RBM48: variants seen among roughly 807,000 people sequenced by gnomAD.
RBM48 encodes RNA binding motif protein 48.
RBM48 carries 32 observed loss-of-function variants against 34.8 expected under a neutral mutation model. The observed-to-expected ratio is 0.92, with a 90% CI of 0.69 to 1.23. RBM48 has a LOEUF of 1.23. Ranked by LOEUF, RBM48 falls within the 50% of genes most tolerant of loss-of-function variation. RBM48 has a pLI of 0.00. For missense variants in RBM48, 441 were observed against 447.2 expected (o/e 0.99, Z 0.12); for synonymous variants, 151 against 156.2 (o/e 0.97, Z 0.25).
Position 92,534,699 on chromosome 7 carries a change from TAA to T in RBM48, c.748_749del (p.Asn250LeufsTer22). 6.2e-7 allele frequency: 1 copy of T among 1,614,146 alleles called. No individual in the cohort carries two copies. The highest frequency in any genetic ancestry group is 8.5e-7 in the Non-Finnish European group (1 of 1,180,004). On this transcript the variant is annotated frameshift_variant, in exon 4 of 5. Coordinates refer to ENST00000265732, the MANE Select transcript of RBM48 (RefSeq NM_032120.4). LOFTEE classifies it high-confidence loss of function. ...AATGACTCTTTGCGGAAAACACAGATAAACTCTTTGAAAAACTCAGTGGCCTG... is the reference window on the plus strand; with the variant it reads ...AATGACTCTTTGCGGAAAACACAGATACTCTTTGAAAAACTCAGTGGCCTG...
intron 2 of RBM48, 31 bp downstream of exon 2, chr7:92,529,697 C>A: frequency 1.5e-6 from 2 of 1,353,750 alleles, no homozygotes; most frequent in Non-Finnish European, 2.0e-6. Flanking sequence ...TGACTCATTT[C>A]CTCATTTCTT....
rs372607453 is a variant in RBM48, at chr7:92,534,788, A to G, written c.835A>G (p.Thr279Ala). The change falls in exon 4 of 5, where the codon ACA (threonine) becomes GCA (alanine). Residue 279 changes from threonine (T) to alanine (A), a missense_variant. Transcript: ENST00000265732. ...EAVDRFMPRT[T>A]QLQERKRRRE... The stretch of plus-strand genomic sequence containing the variant: ...AGTTGACAGATTTATGCCTAGGACA[A>G]CACAACTGCAGGAGCGCAAAAGAAG... 1.7e-5 allele frequency: 28 copies of G among 1,614,052 alleles called. No individual in the cohort carries two copies. Among genetic ancestry groups the G allele is most frequent in the South Asian group, 1.1e-4 (10 of 91,084 alleles).
rs905477166 is a variant in RBM48, at chr7:92,534,796, G to A, written c.843G>A (p.Leu281=). ...VDRFMPRTTQ[L]QERKRRREDD... ...GATTTATGCCTAGGACAACACAACT[G>A]CAGGAGCGCAAAAGAAGAAGAGAAG... The change falls in exon 4 of 5, where the codon CTG becomes CTA. Residue 281 remains leucine (L), a synonymous_variant. Transcript: ENST00000265732. 3.1e-6 allele frequency: 5 copies of A among 1,614,026 alleles called. No individual in the cohort carries two copies. Among genetic ancestry groups the A allele is most frequent in the Non-Finnish European group, 4.2e-6 (5 of 1,180,024 alleles).
Position 92,534,518 on chromosome 7 carries a change from G to A in RBM48, c.565G>A (p.Gly189Arg). 6.2e-7 allele frequency: 1 copy of A among 1,614,080 alleles called. No homozygotes were observed. Among genetic ancestry groups the A allele is most frequent in the Non-Finnish European group, 8.5e-7 (1 of 1,180,020 alleles). ...TAAAGCTGCTTTGAACACTTCTGCA[G>A]GGAACTCAAATCCTTATCTTCCGTA... is the stretch of plus-strand genomic sequence containing the variant. ...FCKAALNTSAGNSNPYLPYSC... is the reference protein window; with the variant it reads ...FCKAALNTSARNSNPYLPYSC... Residue 189 changes from glycine to arginine, a missense_variant, in exon 4 of 5, where the codon GGG (glycine) becomes AGG (arginine). Gly to Arg is a moderately radical substitution (Grantham distance 125, BLOSUM62 -2). Transcript: ENST00000265732.
intron 4 of RBM48, chr7:92,535,705 T>C: frequency 1.0e-6 from 1 of 984,640 alleles, no homozygotes; most frequent in Non-Finnish European, 1.2e-6. Context: ...GTTTTACTCA[T>C]ATTTTACAAT....
At position 92,535,104 on chromosome 7, in the gene RBM48, C is replaced by T. The variant is rs758080865; in HGVS notation, c.1017+134C>T. Reference sequence around the variant, plus strand: ...TTTTGATGTGTTTTTCTACAGTTCTCTGTTGAAATAACTGAATTTGGCTAA... The same window carrying T: ...TTTTGATGTGTTTTTCTACAGTTCTTTGTTGAAATAACTGAATTTGGCTAA... On this transcript the variant is annotated intron_variant, in intron 4 of 4. Transcript: ENST00000265732. The T allele has an allele frequency of 8.4e-5, 124 of 1,468,272 alleles. No individual in the cohort carries two copies. In the African/African-American group the frequency reaches 1.7e-3, roughly 20 times the overall value. 91.0% of individuals were successfully genotyped at this position (1,468,272 alleles called of 1,614,324 possible).
rs563926055 is a variant in RBM48 at position 92,538,673 on chromosome 7, A to G, written c.*1736A>G. On this transcript the variant is annotated 3_prime_UTR_variant, in exon 5 of 5. Coordinates refer to ENST00000265732, the MANE Select transcript of RBM48 (RefSeq NM_032120.4). ...CTGTCTGGTTCAGGCTTCTCAGACT[A>G]TAAGTTGCTATGATCTCCACCTCAG... Among the ~76,000 whole-genome samples, 38 of 152,338 alleles carry G rather than the reference A, an allele frequency of 2.5e-4. No homozygotes were observed. The highest frequency in any genetic ancestry group is 4.0e-4 in the Non-Finnish European group (27 of 68,030).
intron 2 of RBM48, among the ~76,000 whole-genome samples, chr7:92,532,095 A>T (rs1793589480): frequency 6.6e-6 from 1 of 152,238 alleles, no homozygotes; most frequent in Non-Finnish European, 1.5e-5. Context: ...TCAGGGCCAC[A>T]GAGAAAAGCT....
At position 92,539,365 on chromosome 7, in the gene RBM48, A is replaced by G. The variant is rs1360715172; in HGVS notation, c.*2428A>G. On this transcript the variant is annotated 3_prime_UTR_variant, in exon 5 of 5. Coordinates refer to ENST00000265732, the MANE Select transcript of RBM48 (RefSeq NM_032120.4). The stretch of plus-strand genomic sequence containing the variant: ...ATTAAAGAGATGAGTTGAGGTGGAT[A>G]AGGATAGCTTAATAACATGCAAGCT... 1.3e-5 allele frequency among the ~76,000 whole-genome samples: 2 copies of G among 152,234 alleles called. No individual in the cohort carries two copies. Among genetic ancestry groups the G allele is most frequent in the Admixed American group, 6.5e-5 (1 of 15,284 alleles).
Position 92,534,430 on chromosome 7 carries a change from T to C in RBM48, c.477T>C (p.Val159=), listed in dbSNP as rs1331727659. The part of the protein sequence containing the change: ...KDHYVTKKKL[V]TEHKDTEDFR... ...ATTACGTGACAAAGAAGAAATTGGTTACAGAGCATAAAGACACAGAGGATT... is the reference window on the plus strand; with the variant it reads ...ATTACGTGACAAAGAAGAAATTGGTCACAGAGCATAAAGACACAGAGGATT... The change falls in exon 4 of 5, where the codon GTT becomes GTC. Residue 159 remains valine (V), a synonymous_variant. Coordinates refer to ENST00000265732, the MANE Select transcript of RBM48 (RefSeq NM_032120.4). 6.2e-7 allele frequency: 1 copy of C among 1,612,612 alleles called. No homozygotes were observed. The highest frequency in any genetic ancestry group is 8.5e-7 in the Non-Finnish European group (1 of 1,179,444).
intron 4 of RBM48, chr7:92,536,176 T>C: frequency 1.0e-6 from 1 of 985,474 alleles, no homozygotes; most frequent in Non-Finnish European, 1.2e-6. Flanking sequence ...CTTCCTTCCT[T>C]CAGTTACAGC....
chr7:92,531,252 C>T (rs762389490), intron 2 of RBM48, among the ~76,000 whole-genome samples: 6 of 152,092 alleles, frequency 3.9e-5, no homozygotes, highest in Non-Finnish European at 7.4e-5. Flanking sequence ...TGAGATAATC[C>T]ATATAAAGGT....
Position 92,529,595 on chromosome 7 carries a change from T to C in RBM48, c.231T>C (p.Ala77=). ...ALYGAIEQYN[A]LDEYPAEDFT... Reference sequence around the variant, plus strand: ...ATGGTGCAATTGAACAGTACAATGCTCTAGATGAATACCCAGCAGAAGACT... The same window carrying C: ...ATGGTGCAATTGAACAGTACAATGCCCTAGATGAATACCCAGCAGAAGACT... The change falls in exon 2 of 5, where the codon GCT becomes GCC. Residue 77 remains alanine, a synonymous_variant. Transcript: ENST00000265732. 6.2e-7 allele frequency: 1 copy of C among 1,609,644 alleles called. No individual in the cohort carries two copies. Among genetic ancestry groups the C allele is most frequent in the Non-Finnish European group, 8.5e-7 (1 of 1,176,876 alleles).
intron 2 of RBM48, among the ~76,000 whole-genome samples, chr7:92,531,449 C>T (rs1793574167): frequency 6.6e-6 from 1 of 152,170 alleles, no homozygotes; most frequent in African/African-American, 2.4e-5. Flanking sequence ...TGCTCTGAGA[C>T]CCATCCTTCT....
intron 2 of RBM48, among the ~76,000 whole-genome samples, chr7:92,531,878 TTG>T (rs1793584587): frequency 6.6e-6 from 1 of 152,266 alleles, no homozygotes; most frequent in Admixed American, 6.5e-5. Flanking sequence ...GTTAAATTTA[TTG>T]TAGTACCTGG....
At chr7:92,535,440 C>T (rs1793686107) in intron 4 of RBM48, 1 of 1,005,462 alleles carries the variant, frequency 9.9e-7, no homozygotes, top group Non-Finnish European at 1.2e-6. Context: ...AAAAATTAGG[C>T]CTCCAGGTAT....
Position 92,539,576 on chromosome 7 carries a change from A to G in RBM48, c.*2639A>G, listed in dbSNP as rs1793810843. 6.6e-6 allele frequency among the ~76,000 whole-genome samples: 1 copy of G among 152,170 alleles called. No homozygotes were observed. The highest frequency in any genetic ancestry group is 1.5e-5 in the Non-Finnish European group (1 of 68,030). On this transcript the variant is annotated 3_prime_UTR_variant, in exon 5 of 5. Coordinates refer to ENST00000265732, the MANE Select transcript of RBM48 (RefSeq NM_032120.4). ...AAGCCAGGCGTGGTGGCAAATGCCT[A>G]TAATCCCAGCTACTCGGGAGGCTGA...
intron 2 of RBM48, among the ~76,000 whole-genome samples, chr7:92,530,795 CAAA>C (rs577371763): frequency 7.8e-6 from 1 of 128,524 alleles, no homozygotes. Flanking sequence ...GAGACTGTCT[CAAA>C]AAAAAAAAAA....
Position 92,538,190 on chromosome 7 carries a change from G to A in RBM48, c.*1253G>A, listed in dbSNP as rs574079398. ...GAAGAGGCTTTATTCGGCCAGGAGC[G>A]TCGGCAGACTTGTGTCTCAAGAACC... On this transcript the variant is annotated 3_prime_UTR_variant, in exon 5 of 5. Coordinates refer to ENST00000265732, the MANE Select transcript of RBM48 (RefSeq NM_032120.4). 5.3e-5 allele frequency among the ~76,000 whole-genome samples: 8 copies of A among 152,292 alleles called. No individual in the cohort carries two copies. In the South Asian group the frequency reaches 8.3e-4, roughly 16 times the overall value.
Sources: allele counts gnomAD v4.1 joint callset (sites outside exome capture counted in the v4.1 genomes callset), GRCh38; gene constraint gnomAD v4.1.1; transcripts MANE v1.5; gene names NCBI Gene and HGNC (gene_info 2026-07-23, HGNC 2026-07-21).